Variants in FAR2 observed in about 807,000 individuals in gnomAD.
The protein encoded by FAR2 is epididymis secretory protein Li 81.
In FAR2, 19 loss-of-function variants were observed where a neutral mutation model predicts 56.0. The ratio of observed to expected loss-of-function variants is 0.34; its 90% CI spans 0.24 to 0.50. The LOEUF is 0.50. Among genes scored for constraint, FAR2 ranks in the 20% least tolerant of loss-of-function variants. FAR2 has a pLI of 0.98. For missense variants in FAR2, 508 were observed against 642.2 expected (o/e 0.79, Z 2.26); for synonymous variants, 219 against 218.8 (o/e 1.00, Z -0.01).
chr12:29,316,002 T>C (rs2136800232), intron 8 of FAR2, among the ~76,000 whole-genome samples: 1 of 152,328 alleles, frequency 6.6e-6, no homozygotes. Context: ...TAAATGCCTA[T>C]GAACCAGGTG....
intron 1 of FAR2, among the ~76,000 whole-genome samples, chr12:29,242,097 C>T (rs903640518): frequency 5.3e-5 from 8 of 152,138 alleles, no homozygotes; most frequent in South Asian, 2.1e-4. Context: ...CACTTTACAC[C>T]GAAGGAGTCA....
At chr12:29,297,781 C>T (rs368723193) in intron 4 of FAR2, among the ~76,000 whole-genome samples, 31 of 152,268 alleles carry the variant, frequency 2.0e-4, no homozygotes, top group African/African-American at 7.2e-4. Context: ...GGTGGTGGCT[C>T]ACGCCTGTAA....
At chr12:29,270,958 A>G (rs972146817) in intron 2 of FAR2, among the ~76,000 whole-genome samples, 1 of 152,102 alleles carries the variant, frequency 6.6e-6, no homozygotes, top group African/African-American at 2.4e-5. Context: ...TTCTTCACTA[A>G]TTTTCTTTTA....
intron 11 of FAR2, chr12:29,333,259 C>T (rs1949756796): frequency 8.4e-6 from 2 of 236,848 alleles, no homozygotes; most frequent in Non-Finnish European, 1.7e-5. Context: ...GCTTGCAAAA[C>T]AGGAAGGAGG....
At chr12:29,216,053 A>G (rs79320465) in intron 1 of FAR2, among the ~76,000 whole-genome samples, 6,343 of 152,212 alleles carry the variant, frequency 0.042, 419 homozygotes, top group African/African-American at 0.14. Context: ...CCCTAACTGA[A>G]TCCCTTGCCC....
At chr12:29,173,580 G>T (rs71453728) in intron 1 of FAR2, among the ~76,000 whole-genome samples, 5,874 of 152,174 alleles carry the variant, frequency 0.039, 328 homozygotes, top group African/African-American at 0.13. Flanking sequence ...ATCAGAGAGA[G>T]AATACTGGGG....
At chr12:29,327,458 C>A (rs1006482822) in intron 10 of FAR2, among the ~76,000 whole-genome samples, 1 of 152,124 alleles carries the variant, frequency 6.6e-6, no homozygotes, top group Non-Finnish European at 1.5e-5. Flanking sequence ...CAATCCTAAA[C>A]CAAAAGAACA....
At chr12:29,176,817 C>T (rs1329948106) in intron 1 of FAR2, among the ~76,000 whole-genome samples, 1 of 149,664 alleles carries the variant, frequency 6.7e-6, no homozygotes, top group Non-Finnish European at 1.5e-5. Flanking sequence ...AATGTGGACA[C>T]ATGTCAATGT....
intron 1 of FAR2, among the ~76,000 whole-genome samples, chr12:29,180,648 T>C (rs565558334): frequency 1.3e-5 from 2 of 152,316 alleles, no homozygotes; most frequent in African/African-American, 2.4e-5. Flanking sequence ...ATGGGAGAGA[T>C]ACTTGGTCTG....
intron 1 of FAR2, among the ~76,000 whole-genome samples, chr12:29,224,966 C>G (rs1054760017): frequency 1.4e-4 from 22 of 152,310 alleles, no homozygotes; most frequent in Non-Finnish European, 1.9e-4. Context: ...GACCTGTAAT[C>G]CTAACACCTT....
chr12:29,273,343 T>C (rs543755876), intron 2 of FAR2, among the ~76,000 whole-genome samples: 7 of 152,286 alleles, frequency 4.6e-5, no homozygotes, highest in South Asian at 4.1e-4. Flanking sequence ...GCTAGAGTTA[T>C]TGGAGATCCT....
chr12:29,263,566 A>C lies in FAR2; in HGVS notation c.-38-6846A>C, dbSNP rs551076807. ...CTGAATGACCAGTGGGTCAATGAAGAAATTGAAAATTTACATGAAACAAAT... is the reference window on the plus strand; with the variant it reads ...CTGAATGACCAGTGGGTCAATGAAGCAATTGAAAATTTACATGAAACAAAT... On this transcript the variant is annotated intron_variant, in intron 1 of 11. Transcript: ENST00000536681. 5.9e-5 allele frequency among the ~76,000 whole-genome samples: 9 copies of C among 152,114 alleles called. No homozygotes were observed. In the South Asian group the frequency reaches 1.9e-3, roughly 32 times the overall value.
At chr12:29,302,512 G>A (rs1949191596) in intron 4 of FAR2, among the ~76,000 whole-genome samples, 1 of 152,152 alleles carries the variant, frequency 6.6e-6, no homozygotes, top group Admixed American at 6.5e-5. Flanking sequence ...AGTCCATCTT[G>A]GCAGCGCATG....
chr12:29,185,329 T>C (rs2136601534), intron 1 of FAR2, among the ~76,000 whole-genome samples: 1 of 152,368 alleles, frequency 6.6e-6, no homozygotes, highest in Non-Finnish European at 1.5e-5. Flanking sequence ...CTTTACTTCA[T>C]TGGTATCTAT....
At chr12:29,332,495 C>A in intron 10 of FAR2, 105 bp from the exon 11 acceptor site, 1 of 1,517,678 alleles carries the variant, frequency 6.6e-7, no homozygotes, top group Non-Finnish European at 8.9e-7. Context: ...CAACCTATGT[C>A]TCCCAAATTG....
At chr12:29,215,560 T>C (rs1401358238) in intron 1 of FAR2, among the ~76,000 whole-genome samples, 1 of 152,174 alleles carries the variant, frequency 6.6e-6, no homozygotes, top group Non-Finnish European at 1.5e-5. Context: ...AATTTAGATG[T>C]TAGGAAAAAA....
chr12:29,262,718 C>CAGGA (rs989168358), intron 1 of FAR2, among the ~76,000 whole-genome samples: 4 of 151,962 alleles, frequency 2.6e-5, no homozygotes, highest in East Asian at 1.9e-4. Context: ...AAAAGGAAGA[C>CAGGA]AGGAAGGAAG....
intron 1 of FAR2, among the ~76,000 whole-genome samples, chr12:29,232,362 C>T (rs1376889685): frequency 6.6e-6 from 1 of 152,110 alleles, no homozygotes; most frequent in Non-Finnish European, 1.5e-5. Context: ...GTCATCTGTC[C>T]TTCCCCCACT....
At chr12:29,238,196 A>G (rs907361912) in intron 1 of FAR2, among the ~76,000 whole-genome samples, 15 of 148,090 alleles carry the variant, frequency 1.0e-4, no homozygotes, top group Middle Eastern at 3.4e-3. Flanking sequence ...TTTTCCCACT[A>G]CATATATGCG....
Sources: allele counts gnomAD v4.1 joint callset (sites outside exome capture counted in the v4.1 genomes callset), GRCh38; gene constraint gnomAD v4.1.1; transcripts MANE v1.5; gene names NCBI Gene and HGNC (gene_info 2026-07-23, HGNC 2026-07-21).